CPNE4: variants seen among roughly 807,000 people sequenced by gnomAD.
The protein encoded by CPNE4 is copine-4.
Under a neutral mutation model 67.9 loss-of-function variants are expected in CPNE4, and 25 were observed. The observed-to-expected ratio is 0.37, with a 90% CI of 0.27 to 0.51. The LOEUF (loss-of-function observed/expected upper bound fraction) is 0.51, where lower values mean the gene tolerates loss of function less well. Among genes scored for constraint, CPNE4 ranks in the 20% least tolerant of loss-of-function variants. The probability of loss-of-function intolerance (pLI) is 0.93; values close to 1 mark genes in which losing one functional copy is unlikely to be tolerated. For missense variants in CPNE4, 464 were observed against 690.8 expected, an observed-to-expected ratio of 0.67 and a Z score of 3.68; for synonymous variants, 242 against 244.9, an observed-to-expected ratio of 0.99 and a Z score of 0.11.
intron 2 of CPNE4, among the ~76,000 whole-genome samples, chr3:131,789,591 A>G (rs1019282751): frequency 6.6e-6 from 1 of 152,190 alleles, no homozygotes; most frequent in Non-Finnish European, 1.5e-5. Context: ...GTGAGCATGT[A>G]AAGCAATACC....
chr3:131,564,981 G>A (rs980026802), intron 10 of CPNE4, among the ~76,000 whole-genome samples: 4 of 152,002 alleles, frequency 2.6e-5, no homozygotes, highest in African/African-American at 9.7e-5. Flanking sequence ...AGTGGGAAGT[G>A]GAGAAGGGAA....
chr3:131,741,417 GC>G (rs2082353610), intron 2 of CPNE4, among the ~76,000 whole-genome samples: 1 of 152,162 alleles, frequency 6.6e-6, no homozygotes, highest in South Asian at 2.1e-4. Context: ...AAATAGAAGG[GC>G]CAATCTGTTA....
chr3:131,655,916 C>T (rs151141355), intron 7 of CPNE4, among the ~76,000 whole-genome samples: 3 of 152,126 alleles, frequency 2.0e-5, no homozygotes, highest in Admixed American at 6.6e-5. Flanking sequence ...CCATAAAATA[C>T]GCCAGTGAAA....
chr3:131,725,124 T>C (rs1475609457), intron 2 of CPNE4, among the ~76,000 whole-genome samples: 1 of 152,218 alleles, frequency 6.6e-6, no homozygotes, highest in Non-Finnish European at 1.5e-5. Context: ...CACTTTCATA[T>C]GAGTAAAGGA....
chr3:131,989,280 T>C (rs1376877978), intron 1 of CPNE4, among the ~76,000 whole-genome samples: 2 of 152,190 alleles, frequency 1.3e-5, no homozygotes, highest in African/African-American at 4.8e-5. Context: ...CGTGAAAATA[T>C]AGGAGTTTAG....
At chr3:131,591,248 G>T (rs1433404522) in intron 7 of CPNE4, among the ~76,000 whole-genome samples, 1 of 152,148 alleles carries the variant, frequency 6.6e-6, no homozygotes, top group African/African-American at 2.4e-5. Context: ...CTCACTGAAT[G>T]CCTGCATCTG....
chr3:131,969,692 A>T (rs1170115200), intron 1 of CPNE4, among the ~76,000 whole-genome samples: 1 of 152,194 alleles, frequency 6.6e-6, no homozygotes, highest in Non-Finnish European at 1.5e-5. Context: ...TGCTTTATAG[A>T]TTAAAGTGAC....
At chr3:131,887,044 G>A (rs2087920566) in intron 2 of CPNE4, among the ~76,000 whole-genome samples, 1 of 152,172 alleles carries the variant, frequency 6.6e-6, no homozygotes, top group Admixed American at 6.5e-5. Flanking sequence ...GCAGGGGCCA[G>A]GGGTGGAATG....
intron 1 of CPNE4, among the ~76,000 whole-genome samples, chr3:131,980,458 A>T (rs925683670): frequency 2.0e-5 from 3 of 151,838 alleles, no homozygotes; most frequent in Admixed American, 2.0e-4. Context: ...TGAGCTCTAA[A>T]TTTTTTTCTT....
intron 7 of CPNE4, among the ~76,000 whole-genome samples, chr3:131,588,762 T>G (rs1938348524): frequency 6.6e-6 from 1 of 152,136 alleles, no homozygotes; most frequent in East Asian, 1.9e-4. Flanking sequence ...TTCCTGATAT[T>G]CCTCTTTCCA....
intron 1 of CPNE4, among the ~76,000 whole-genome samples, chr3:131,933,723 A>T (rs2071136447): frequency 6.6e-6 from 1 of 151,924 alleles, no homozygotes; most frequent in Non-Finnish European, 1.5e-5. Context: ...AAATTCTGTC[A>T]TTTGTGACAA....
intron 1 of CPNE4, among the ~76,000 whole-genome samples, chr3:131,909,074 T>G (rs1337647170): frequency 6.6e-6 from 1 of 152,142 alleles, no homozygotes; most frequent in Non-Finnish European, 1.5e-5. Context: ...CCCATTTAAA[T>G]GTCTTCTGTA....
At chr3:131,727,529 C>G (rs1390366768) in intron 2 of CPNE4, among the ~76,000 whole-genome samples, 1 of 152,056 alleles carries the variant, frequency 6.6e-6, no homozygotes, top group East Asian at 1.9e-4. Flanking sequence ...ACAACTAACA[C>G]TTTTGGAAGG....
chr3:131,631,961 T>C (rs2079235819), intron 7 of CPNE4, among the ~76,000 whole-genome samples: 1 of 149,650 alleles, frequency 6.7e-6, no homozygotes, highest in African/African-American at 2.5e-5. Flanking sequence ...CATGGCACCC[T>C]GTAGTCCCAG....
chr3:131,540,017 C>A lies in CPNE4; in HGVS notation c.1539+2540G>T, dbSNP rs192737267. Among the ~76,000 whole-genome samples the A allele has an allele frequency of 1.1e-3, 170 of 152,288 alleles. 1 individual carries two copies. The highest frequency in any genetic ancestry group is 3.9e-3 in the African/African-American group (161 of 41,564). ...CTACTCCTTGCTGTCCATAGGCAGA[C>A]AACTTTAGGGCTTAGTGCATCTCTT... is the stretch of plus-strand genomic sequence containing the variant. On this transcript the variant is annotated intron_variant, in intron 15 of 15. Transcript: ENST00000429747.
At chr3:131,996,942 A>G (rs981842468) in intron 1 of CPNE4, among the ~76,000 whole-genome samples, 3 of 152,132 alleles carry the variant, frequency 2.0e-5, no homozygotes, top group Non-Finnish European at 2.9e-5. Context: ...CTACATATCA[A>G]TGAGAATGAC....
chr3:131,792,663 G>GTTTATATATGTATATATACACACGTGTA (rs1553772227), intron 2 of CPNE4, among the ~76,000 whole-genome samples: 1 of 48,062 alleles, frequency 2.1e-5, no homozygotes, highest in Non-Finnish European at 4.2e-5. Context: ...ATACACACGT[G>GTTTATATATGTATATATACACACGTGTA]TATATATACA....
chr3:131,814,099 C>T (rs2084639231), intron 2 of CPNE4, among the ~76,000 whole-genome samples: 1 of 152,120 alleles, frequency 6.6e-6, no homozygotes, highest in Non-Finnish European at 1.5e-5. Context: ...GTAACATAGG[C>T]ACCTATATAC....
chr3:131,736,611 C>CAAAA (rs71136406), intron 2 of CPNE4, among the ~76,000 whole-genome samples: 1 of 82,122 alleles, frequency 1.2e-5, no homozygotes. Flanking sequence ...AAGACTGTCT[C>CAAAA]AAAAAAAAAA....
Sources: allele counts gnomAD v4.1 joint callset (sites outside exome capture counted in the v4.1 genomes callset), GRCh38; gene constraint gnomAD v4.1.1; transcripts MANE v1.5; gene names NCBI Gene and HGNC (gene_info 2026-07-23, HGNC 2026-07-21).